KTN1: variants seen among roughly 807,000 people sequenced by gnomAD.
The protein encoded by KTN1 is kinectin 1, also known as kinectin.
Under a neutral mutation model 222.5 loss-of-function variants are expected in KTN1, and 130 were observed. That is an observed-to-expected ratio of 0.58 (90% CI 0.51 to 0.68). The LOEUF (loss-of-function observed/expected upper bound fraction) is 0.68. Among genes scored for constraint, KTN1 ranks in the 30% least tolerant of loss-of-function variants. The pLI is 0.00. For synonymous variants in KTN1, 512 were observed against 496.3 expected, an observed-to-expected ratio of 1.03 and a Z score of -0.42; for missense variants, 1,508 against 1,500.4, an observed-to-expected ratio of 1.01 and a Z score of -0.08.
In KTN1 at chr14:55,679,685, G is replaced by C; in HGVS notation, c.4069G>C (p.Glu1357Gln). The change falls in exon 43 of 44, where the codon GAG (glutamate) becomes CAG (glutamine). Residue 1357 changes from glutamate (E) to glutamine (Q), a missense_variant and splice_region_variant. Coordinates refer to ENST00000395314, the MANE Select transcript of KTN1 (RefSeq NM_001079521.2). ...TKEKEHYQVL[E>Q] ...GGAGAAAGAGCACTACCAGGTGTTA[G>C]GTAAGGACAACTGAAATATTGCTGT... The C allele has an allele frequency of 1.2e-5, 19 of 1,613,608 alleles. No individual in the cohort carries two copies. The highest frequency in any genetic ancestry group is 1.6e-5 in the Non-Finnish European group (19 of 1,179,750).
intron 1 of KTN1, among the ~76,000 whole-genome samples, chr14:55,602,819 G>T (rs75115817): frequency 6.6e-6 from 1 of 152,028 alleles, no homozygotes; most frequent in South Asian, 2.1e-4. Flanking sequence ...GGCTCAAGCA[G>T]TCCTTTCTCC....
chr14:55,611,320 T>C (rs1296517729), intron 1 of KTN1, among the ~76,000 whole-genome samples: 1 of 149,030 alleles, frequency 6.7e-6, no homozygotes, highest in African/African-American at 2.5e-5. Context: ...CAGGGTAGAC[T>C]GGAACTCCTA....
chr14:55,596,460 G>T (rs1014372582), intron 1 of KTN1, among the ~76,000 whole-genome samples: 2 of 152,170 alleles, frequency 1.3e-5, no homozygotes, highest in African/African-American at 4.8e-5. Context: ...TGAGGTGATT[G>T]TGTTGTAAAC....
intron 1 of KTN1, among the ~76,000 whole-genome samples, chr14:55,596,154 C>CAAAAAAAAAAAAAAAAAAA: frequency 1.6e-5 from 1 of 61,108 alleles, no homozygotes; most frequent in Middle Eastern, 0.012. Flanking sequence ...GACTCAATAG[C>CAAAAAAAAAAAAAAAAAAA]AAAAAAAAAA....
At chr14:55,597,405 A>C (rs2140426122) in intron 1 of KTN1, among the ~76,000 whole-genome samples, 1 of 152,332 alleles carries the variant, frequency 6.6e-6, no homozygotes, top group South Asian at 2.1e-4. Flanking sequence ...ACATTTCTTA[A>C]GTTTATCGGA....
Position 55,679,545 on chromosome 14 carries a change from C to A in KTN1, c.3949-20C>A, listed in dbSNP as rs1244108169. 2 of 1,586,764 alleles carry A rather than the reference C, an allele frequency of 1.3e-6. No homozygotes were observed. The highest frequency in any genetic ancestry group is 1.1e-5 in the South Asian group (1 of 88,108). ...TTTCCTTGTGTATGGAGTTTATCAT[C>A]ACTTCCATCTTCTTTTTAGGAGTCT... is the stretch of plus-strand genomic sequence containing the variant. On this transcript the variant is annotated intron_variant, in intron 42 of 43. Transcript: ENST00000395314.
At chr14:55,675,226 G>A (rs534241427) in intron 40 of KTN1, 23 of 152,256 alleles carry the variant, frequency 1.5e-4, no homozygotes, top group Admixed American at 1.3e-3. Flanking sequence ...TCAGAGAAGC[G>A]GCATTATATA....
intron 1 of KTN1, among the ~76,000 whole-genome samples, chr14:55,602,725 GT>G (rs2036164487): frequency 6.6e-6 from 1 of 151,952 alleles, no homozygotes; most frequent in South Asian, 2.1e-4. Flanking sequence ...GGGACTACAG[GT>G]GCATGCCACC....
chr14:55,646,893 C>T (rs1387567219), intron 18 of KTN1, 80 bp from the exon 19 acceptor site: 3 of 902,880 alleles, frequency 3.3e-6, no homozygotes, highest in Non-Finnish European at 5.4e-6. Flanking sequence ...AAACAATTTT[C>T]ACAAAATTAC....
At chr14:55,659,806 T>G (rs2043913105) in intron 31 of KTN1, 103 bp downstream of exon 31, 4 of 692,648 alleles carry the variant, frequency 5.8e-6, no homozygotes, top group Non-Finnish European at 1.0e-5. Flanking sequence ...TGGCACCTGA[T>G]TTTTACAGTT....
At chr14:55,606,810 T>C (rs1351147125) in intron 1 of KTN1, among the ~76,000 whole-genome samples, 1 of 152,182 alleles carries the variant, frequency 6.6e-6, no homozygotes, top group Non-Finnish European at 1.5e-5. Flanking sequence ...AAAATGTTTG[T>C]AATAATCTCC....
rs563233738 is a variant in KTN1, at chr14:55,653,509, A to C, written c.2764-50A>C. Reference sequence around the variant, plus strand: ...TCCATATATATGTTTTAGCACCTACAACATAACATTTAATGCTAACAGCAT... The same window carrying C: ...TCCATATATATGTTTTAGCACCTACCACATAACATTTAATGCTAACAGCAT... On this transcript the variant is annotated intron_variant, in intron 27 of 43. Transcript: ENST00000395314. The C allele has an allele frequency of 1.8e-5, 27 of 1,462,486 alleles. No individual in the cohort carries two copies. In the South Asian group the frequency reaches 3.2e-4, roughly 17 times the overall value. 90.6% of individuals were successfully genotyped at this position (1,462,486 alleles called of 1,614,324 possible).
chr14:55,603,081 A>G (rs563056092), intron 1 of KTN1, among the ~76,000 whole-genome samples: 5 of 152,028 alleles, frequency 3.3e-5, no homozygotes, highest in Non-Finnish European at 5.9e-5. Context: ...CACTCTATCT[A>G]CTTGTCCAAA....
rs1370891319 is a variant in KTN1, at chr14:55,680,914, A to G, written c.4069+1229A>G. 3 of 366,292 alleles carry G rather than the reference A, an allele frequency of 8.2e-6. No individual in the cohort carries two copies. The Admixed American group carries it at 1.1e-4, about 13-fold the overall frequency. The allele number at this position is 366,292 out of a possible 1,614,324, so 22.7% of individuals were successfully genotyped here. Reference sequence around the variant, plus strand: ...CCTCGCTTTTCCAAATTAGGAAATAACCTTGCTTCCTAGGGAAACTTCCAT... The same window carrying G: ...CCTCGCTTTTCCAAATTAGGAAATAGCCTTGCTTCCTAGGGAAACTTCCAT... On this transcript the variant is annotated intron_variant, in intron 43 of 43. Coordinates refer to ENST00000395314, the MANE Select transcript of KTN1 (RefSeq NM_001079521.2).
At chr14:55,617,484 G>A (rs992838100) in intron 3 of KTN1, among the ~76,000 whole-genome samples, 1 of 151,826 alleles carries the variant, frequency 6.6e-6, no homozygotes, top group Non-Finnish European at 1.5e-5. Flanking sequence ...ATGGAAATTA[G>A]AGGCATAACT....
chr14:55,653,561 C>T lies in KTN1; in HGVS notation c.2766C>T (p.Ala922=). The change falls in exon 28 of 44, where the codon GCC becomes GCT. Residue 922 remains alanine (A), a splice_region_variant and synonymous_variant. Transcript: ENST00000395314. Reference sequence around the variant, plus strand: ...AAAAATATGATTCTGTTTCTCAGGCCTCTTCTGCATCACAGTTTGAAGAAC... The same window carrying T: ...AAAAATATGATTCTGTTTCTCAGGCTTCTTCTGCATCACAGTTTGAAGAAC... The part of the protein sequence containing the change: ...QEVAQHNLKE[A]SSASQFEELE... 1 of 1,609,692 alleles carries T rather than the reference C, an allele frequency of 6.2e-7. No homozygotes were observed. The highest frequency in any genetic ancestry group is 8.5e-7 in the Non-Finnish European group (1 of 1,176,820).
chr14:55,645,397 A>G (rs2042188947), intron 18 of KTN1, among the ~76,000 whole-genome samples: 1 of 152,208 alleles, frequency 6.6e-6, no homozygotes, highest in Non-Finnish European at 1.5e-5. Context: ...CATGTGGGTA[A>G]GCCACTAAAG....
intron 1 of KTN1, among the ~76,000 whole-genome samples, chr14:55,588,769 T>A (rs1322475360): frequency 6.6e-6 from 1 of 152,158 alleles, no homozygotes. Context: ...CCATATAGGG[T>A]CTGGTTTGTG....
intron 37 of KTN1, chr14:55,672,425 T>G: frequency 2.1e-6 from 1 of 467,924 alleles, no homozygotes. Flanking sequence ...TAGCCGAGCC[T>G]AATATACAAA....
Sources: allele counts gnomAD v4.1 joint callset (sites outside exome capture counted in the v4.1 genomes callset), GRCh38; gene constraint gnomAD v4.1.1; transcripts MANE v1.5; gene names NCBI Gene and HGNC (gene_info 2026-07-23, HGNC 2026-07-21).